Variants in ATP8B1 observed in about 807,000 individuals in gnomAD.
ATP8B1 encodes ATPase phospholipid transporting 8B1.
In ATP8B1, 80 loss-of-function variants were observed where a neutral mutation model predicts 149.9. The observed-to-expected ratio is 0.53, with a 90% CI of 0.45 to 0.64. The LOEUF (loss-of-function observed/expected upper bound fraction) is 0.64. Ranked by LOEUF, ATP8B1 falls within the 30% of genes least tolerant of loss-of-function variation. ATP8B1 has a pLI of 0.00. For missense variants in ATP8B1, 1,247 were observed against 1,552.6 expected (o/e 0.80, Z 3.31); for synonymous variants, 536 against 562.8 (o/e 0.95, Z 0.67).
At chr18:57,660,252 T>G (rs758643640) in intron 22 of ATP8B1, among the ~76,000 whole-genome samples, 11 of 152,162 alleles carry the variant, frequency 7.2e-5, no homozygotes, top group Non-Finnish European at 1.3e-4. Context: ...TGTGTGGACT[T>G]AAATTCTAGC....
intron 13 of ATP8B1, among the ~76,000 whole-genome samples, chr18:57,687,161 G>A (rs1443029096): frequency 2.0e-5 from 3 of 152,064 alleles, no homozygotes; most frequent in Non-Finnish European, 4.4e-5. Flanking sequence ...ACAGTTCAGT[G>A]GCATCAAGTA....
intron 1 of ATP8B1, among the ~76,000 whole-genome samples, chr18:57,745,025 A>G (rs2079952095): frequency 6.6e-6 from 1 of 152,248 alleles, no homozygotes; most frequent in Admixed American, 6.5e-5. Context: ...CAATCAAAGA[A>G]TGACAAGTTG....
chr18:57,765,465 C>T (rs539578672), intron 1 of ATP8B1, among the ~76,000 whole-genome samples: 1 of 152,088 alleles, frequency 6.6e-6, no homozygotes, highest in Admixed American at 6.6e-5. Flanking sequence ...GTCAGGAGTT[C>T]GAGACCAGCC....
chr18:57,702,744 C>T (rs1253896785), intron 4 of ATP8B1, among the ~76,000 whole-genome samples: 1 of 151,880 alleles, frequency 6.6e-6, no homozygotes, highest in African/African-American at 2.4e-5. Flanking sequence ...GTAATCCCAG[C>T]TACTCAGGAG....
At chr18:57,723,976 C>T (rs932206382) in intron 2 of ATP8B1, among the ~76,000 whole-genome samples, 1 of 147,838 alleles carries the variant, frequency 6.8e-6, no homozygotes, top group African/African-American at 2.6e-5. Context: ...CTTTGACAAA[C>T]CTGAGAAAAA....
chr18:57,653,773 G>C (rs1909803006), intron 24 of ATP8B1, among the ~76,000 whole-genome samples: 1 of 143,418 alleles, frequency 7.0e-6, no homozygotes, highest in Non-Finnish European at 1.5e-5. Context: ...TCATACTCCT[G>C]CATCAGCCTC....
At chr18:57,654,814 GT>G (rs1226844703) in intron 23 of ATP8B1, among the ~76,000 whole-genome samples, 1 of 150,210 alleles carries the variant, frequency 6.7e-6, no homozygotes, top group Non-Finnish European at 1.5e-5. Flanking sequence ...AGCCTCCCGA[GT>G]AGCTGGGATT....
At chr18:57,695,054 A>C in intron 10 of ATP8B1, 117 bp downstream of exon 10, 1 of 790,910 alleles carries the variant, frequency 1.3e-6, no homozygotes. Context: ...AAAAAAAAAA[A>C]AGCTCATGAT....
intron 1 of ATP8B1, among the ~76,000 whole-genome samples, chr18:57,780,618 G>A (rs969309310): frequency 6.6e-6 from 1 of 152,140 alleles, no homozygotes; most frequent in African/African-American, 2.4e-5. Flanking sequence ...TCTACTAAAC[G>A]CTGGAGGGAT....
chr18:57,671,707 C>T (rs996665098), intron 16 of ATP8B1, 127 bp from the exon 17 acceptor site: 19 of 688,772 alleles, frequency 2.8e-5, no homozygotes, highest in South Asian at 1.2e-4. Context: ...ACTGTAGCCT[C>T]GACCCCCCAG....
intron 20 of ATP8B1, 130 bp downstream of exon 20, chr18:57,666,962 A>G (rs1910898099): frequency 1.2e-6 from 1 of 806,154 alleles, no homozygotes; most frequent in African/African-American, 1.7e-5. Context: ...TGCCTCATTT[A>G]AACATGAGGA....
At chr18:57,757,000 T>G (rs1035098072) in intron 1 of ATP8B1, among the ~76,000 whole-genome samples, 1 of 114,336 alleles carries the variant, frequency 8.7e-6, no homozygotes, top group Non-Finnish European at 2.2e-5. Context: ...GATTCTCCCC[T>G]GATCCAGTCT....
intron 1 of ATP8B1, among the ~76,000 whole-genome samples, chr18:57,739,734 T>C (rs1161667800): frequency 6.6e-6 from 1 of 152,090 alleles, no homozygotes; most frequent in Non-Finnish European, 1.5e-5. Context: ...ACAGTTAAGG[T>C]CAGAAGTCAT....
chr18:57,675,032 A>G lies in ATP8B1; in HGVS notation c.1631-10T>C. On this transcript the variant is annotated splice_polypyrimidine_tract_variant and intron_variant, in intron 15 of 27. Transcript: ENST00000648908. Reference sequence around the variant, plus strand: ...TGGTAGTTGAGCTGACCTAACAAGGAAGCGAGAGAAATCCCAGAAAAGCTG... The same window carrying G: ...TGGTAGTTGAGCTGACCTAACAAGGGAGCGAGAGAAATCCCAGAAAAGCTG... 1.2e-6 allele frequency: 2 copies of G among 1,613,594 alleles called. No homozygotes were observed. Among genetic ancestry groups the G allele is most frequent in the Non-Finnish European group, 8.5e-7 (1 of 1,179,878 alleles).
At chr18:57,756,653 T>TTCTCTCTCTCTCTCTCTCTCTCTC (rs112851704) in intron 1 of ATP8B1, among the ~76,000 whole-genome samples, 1 of 149,202 alleles carries the variant, frequency 6.7e-6, no homozygotes, top group Non-Finnish European at 1.5e-5. Flanking sequence ...ATGGTATTCC[T>TTCTCTCTCTCTCTCTCTCTCTCTC]TCTCTCTCTC....
intron 1 of ATP8B1, among the ~76,000 whole-genome samples, chr18:57,792,982 C>T (rs536482274): frequency 6.6e-6 from 1 of 152,310 alleles, no homozygotes; most frequent in South Asian, 2.1e-4. Context: ...TGAAAACCGC[C>T]TCTTTTTTCT....
intron 1 of ATP8B1, among the ~76,000 whole-genome samples, chr18:57,732,752 G>A (rs1011826072): frequency 6.6e-5 from 10 of 151,826 alleles, no homozygotes; most frequent in African/African-American, 1.2e-4. Context: ...TAGTAGAGAC[G>A]GGGTTTCACT....
At position 57,697,823 on chromosome 18, in the gene ATP8B1, A is replaced by G; in HGVS notation, c.599T>C (p.Ile200Thr). Residue 200 changes from isoleucine (I) to threonine (T), a missense_variant, in exon 7 of 28, where the codon ATT becomes ACT. By Grantham distance (89) the Ile-to-Thr change is moderately conservative. Coordinates refer to ENST00000648908, the MANE Select transcript of ATP8B1 (RefSeq NM_001374385.1). ...AACAAAATCATTTTTTTTCAGACGA[A>G]TGACGTCTCCAACTTGAATTTCTTT... Reference protein sequence around the residue: ...KWKEIQVGDVIRLKKNDFVPA... With the variant: ...KWKEIQVGDVTRLKKNDFVPA... 6.2e-7 allele frequency: 1 copy of G among 1,614,094 alleles called. No homozygotes were observed. The highest frequency in any genetic ancestry group is 8.5e-7 in the Non-Finnish European group (1 of 1,179,988).
intron 8 of ATP8B1, among the ~76,000 whole-genome samples, chr18:57,696,276 G>C (rs1005284201): frequency 6.6e-6 from 1 of 151,278 alleles, no homozygotes; most frequent in South Asian, 2.1e-4. Flanking sequence ...ATAAACAGTC[G>C]GGCGCCGCGG....
Sources: gnomAD v4.1 joint callset for allele counts (sites outside exome capture counted in the v4.1 genomes callset) on GRCh38, gnomAD v4.1.1 for gene constraint, MANE v1.5 for transcripts, NCBI Gene and HGNC (gene_info 2026-07-23, HGNC 2026-07-21) for gene names.